WWOX: variants seen among roughly 807,000 people sequenced by gnomAD.
The protein encoded by WWOX is WW domain-containing oxidoreductase.
WWOX carries 69 observed loss-of-function variants against 46.2 expected under a neutral mutation model. That is an observed-to-expected ratio of 1.49 (90% CI 1.23 to 1.82). The LOEUF is 1.82. Ranked by LOEUF, WWOX falls within the 40% of genes most tolerant of loss-of-function variation. The probability of loss-of-function intolerance (pLI) is 0.00; values close to 1 mark genes in which losing one functional copy is unlikely to be tolerated. For missense variants in WWOX, 919 were observed against 542.6 expected, an observed-to-expected ratio of 1.69 and a Z score of -6.89; for synonymous variants, 359 against 202.6, an observed-to-expected ratio of 1.77 and a Z score of -6.56.
At chr16:78,853,781 G>A (rs2052505615) in intron 8 of WWOX, among the ~76,000 whole-genome samples, 1 of 152,064 alleles carries the variant, frequency 6.6e-6, no homozygotes, top group African/African-American at 2.4e-5. Context: ...GGTTTTCACT[G>A]AACCAAGAGA....
At chr16:78,506,020 T>A (rs1111681) in intron 8 of WWOX, among the ~76,000 whole-genome samples, 20,751 of 152,222 alleles carry the variant, frequency 0.14, 1,556 homozygotes, top group Non-Finnish European at 0.17. Flanking sequence ...GTCAGCCCCT[T>A]CCCGACCCTT....
chr16:79,184,372 C>G (rs1287207841), intron 8 of WWOX, among the ~76,000 whole-genome samples: 4 of 152,176 alleles, frequency 2.6e-5, no homozygotes, highest in African/African-American at 4.8e-5. Flanking sequence ...CATGTAGGAA[C>G]AAAGTGTGTC....
chr16:79,100,996 G>A (rs1223606816), intron 8 of WWOX: 2 of 152,674 alleles, frequency 1.3e-5, no homozygotes, highest in African/African-American at 2.4e-5. Flanking sequence ...GTGGGCAGGG[G>A]GGTGTGAATG....
At chr16:79,102,676 C>G (rs993205137) in intron 8 of WWOX, among the ~76,000 whole-genome samples, 17 of 151,724 alleles carry the variant, frequency 1.1e-4, no homozygotes, top group African/African-American at 4.1e-4. Flanking sequence ...CATATAATAG[C>G]CACTGCATAA....
intron 8 of WWOX, among the ~76,000 whole-genome samples, chr16:78,524,820 GTTT>G (rs36073652): frequency 8.1e-6 from 1 of 123,214 alleles, no homozygotes; most frequent in Non-Finnish European, 1.6e-5. Flanking sequence ...TTTTTTATGG[GTTT>G]TTTTTTTTTT....
chr16:78,692,070 T>C (rs1158712407), intron 8 of WWOX, among the ~76,000 whole-genome samples: 2 of 152,184 alleles, frequency 1.3e-5, no homozygotes, highest in South Asian at 2.1e-4. Context: ...TCCCCAGCCA[T>C]GTGGAACTGT....
chr16:78,397,475 G>C (rs1451542942), intron 6 of WWOX, among the ~76,000 whole-genome samples: 1 of 152,164 alleles, frequency 6.6e-6, no homozygotes, highest in African/African-American at 2.4e-5. Context: ...AAGAAATTAA[G>C]AACCTCAACC....
At chr16:78,768,881 C>T (rs765703113) in intron 8 of WWOX, among the ~76,000 whole-genome samples, 23 of 152,150 alleles carry the variant, frequency 1.5e-4, no homozygotes, top group Non-Finnish European at 2.2e-4. Context: ...CCGCCAATGC[C>T]GTTGTTTGTA....
intron 4 of WWOX, among the ~76,000 whole-genome samples, chr16:78,155,046 C>T (rs35695084): frequency 0.072 from 10,952 of 152,236 alleles, 448 homozygotes; most frequent in Non-Finnish European, 0.1. Flanking sequence ...AACCTGTCAC[C>T]ACGTGGGATT....
intron 8 of WWOX, among the ~76,000 whole-genome samples, chr16:78,977,460 A>T (rs1035733344): frequency 6.6e-6 from 1 of 152,144 alleles, no homozygotes; most frequent in African/African-American, 2.4e-5. Context: ...CTATAAGGAG[A>T]TGAGCTCAGT....
chr16:79,087,885 A>C (rs2048882525), intron 8 of WWOX, among the ~76,000 whole-genome samples: 1 of 152,124 alleles, frequency 6.6e-6, no homozygotes, highest in South Asian at 2.1e-4. Context: ...AAAGGACAGG[A>C]TGTGGAAGGA....
intron 8 of WWOX, among the ~76,000 whole-genome samples, chr16:78,556,261 TAAAAAAAAA>T (rs879764844): frequency 7.9e-6 from 1 of 126,916 alleles, no homozygotes; most frequent in Non-Finnish European, 1.7e-5. Flanking sequence ...CCTCCTCCTC[TAAAAAAAAA>T]AAAAAAGAAA....
intron 8 of WWOX, among the ~76,000 whole-genome samples, chr16:78,585,125 G>A (rs1258124641): frequency 6.6e-6 from 1 of 152,228 alleles, no homozygotes; most frequent in Non-Finnish European, 1.5e-5. Context: ...CCATGTCCGT[G>A]TGAACTAAAT....
chr16:78,812,727 C>A (rs1377078552), intron 8 of WWOX, among the ~76,000 whole-genome samples: 1 of 148,360 alleles, frequency 6.7e-6, no homozygotes, highest in African/African-American at 2.6e-5. Context: ...CTCCATCCTC[C>A]CACCCCCTAA....
At chr16:78,290,216 T>G (rs2079837884) in intron 5 of WWOX, among the ~76,000 whole-genome samples, 1 of 152,170 alleles carries the variant, frequency 6.6e-6, no homozygotes, top group Non-Finnish European at 1.5e-5. Flanking sequence ...TTGGCAACAT[T>G]TACTTAGAGA....
intron 8 of WWOX, among the ~76,000 whole-genome samples, chr16:78,702,124 T>TATATATA (rs777394763): frequency 0.013 from 1,366 of 105,462 alleles, 30 homozygotes; most frequent in Non-Finnish European, 0.016. Flanking sequence ...ATATATATAT[T>TATATATA]TATTTATTTT....
At chr16:78,942,239 A>T (rs538239480) in intron 8 of WWOX, among the ~76,000 whole-genome samples, 25 of 152,166 alleles carry the variant, frequency 1.6e-4, no homozygotes, top group African/African-American at 5.8e-4. Context: ...TTAAAGTAGT[A>T]GGCTTCTTAA....
rs542595397 is a variant in WWOX, at chr16:78,734,405, T to C, written c.1056+301653T>C. 6.5e-4 allele frequency among the ~76,000 whole-genome samples: 99 copies of C among 152,286 alleles called. 1 individual carries two copies. The South Asian group carries it at 0.012, about 18-fold the overall frequency. ...AACACCTTCCCTATGATAGCCCTAA[T>C]TGGAATATAGTAAATGTTTGTTGCA... On this transcript the variant is annotated intron_variant, in intron 8 of 8. Coordinates refer to ENST00000566780, the MANE Select transcript of WWOX (RefSeq NM_016373.4).
rs116320638 is a variant in WWOX, at chr16:78,413,194, C to T, written c.606-11676C>T. Among the ~76,000 whole-genome samples the T allele has an allele frequency of 6.2e-3, 944 of 152,232 alleles. 11 individuals are homozygous for T. Among genetic ancestry groups the T allele is most frequent in the African/African-American group, 0.021 (891 of 41,536 alleles). ...AGTTGTACTACTCAAATCAATCTCC[C>T]CGAGAATTCAGGGATCGGAGTCTTT... On this transcript the variant is annotated intron_variant, in intron 6 of 8. Coordinates refer to ENST00000566780, the MANE Select transcript of WWOX (RefSeq NM_016373.4).
Sources: allele counts gnomAD v4.1 joint callset (sites outside exome capture counted in the v4.1 genomes callset), GRCh38; gene constraint gnomAD v4.1.1; transcripts MANE v1.5; gene names NCBI Gene and HGNC (gene_info 2026-07-23, HGNC 2026-07-21).